Variants in GABRG1 observed in about 807,000 individuals in gnomAD.
GABRG1 encodes the protein gamma-aminobutyric acid receptor subunit gamma-1.
Under a neutral mutation model 49.8 loss-of-function variants are expected in GABRG1, and 49 were observed. The ratio of observed to expected loss-of-function variants is 0.98; its 90% CI spans 0.78 to 1.25. GABRG1 has a LOEUF of 1.25. Ranked by LOEUF, GABRG1 falls within the 50% of genes most tolerant of loss-of-function variation. The pLI is 0.00. For missense variants in GABRG1, 552 were observed against 552.3 expected (o/e 1.00, Z 0.01); for synonymous variants, 232 against 185.1 (o/e 1.25, Z -2.06).
chr4:46,063,299 T>G (rs1302536785), intron 5 of GABRG1, among the ~76,000 whole-genome samples: 3 of 151,896 alleles, frequency 2.0e-5, no homozygotes, highest in Non-Finnish European at 1.5e-5. Flanking sequence ...CAAAACAGCA[T>G]GGTACTGGTA....
intron 2 of GABRG1, among the ~76,000 whole-genome samples, chr4:46,093,634 G>C (rs975525676): frequency 6.6e-6 from 1 of 151,738 alleles, no homozygotes; most frequent in Non-Finnish European, 1.5e-5. Flanking sequence ...ATAAATACTC[G>C]AGGTGACTAC....
chr4:46,064,536 A>G lies in GABRG1; in HGVS notation c.543-13T>C, dbSNP rs1355404300. 2 of 1,294,184 alleles carry G rather than the reference A, an allele frequency of 1.5e-6. No homozygotes were observed. Among genetic ancestry groups the G allele is most frequent in the Non-Finnish European group, 1.1e-6 (1 of 942,668 alleles). 80.2% of individuals were successfully genotyped at this position (1,294,184 alleles called of 1,614,324 possible). On this transcript the variant is annotated splice_polypyrimidine_tract_variant and intron_variant, in intron 4 of 8. Coordinates refer to ENST00000295452, the MANE Select transcript of GABRG1 (RefSeq NM_173536.4). ...ATTAATTGTCAATCTATTTAGATGG[A>G]AAGAAAAGTATTAAATAAAGATAAA... is the stretch of plus-strand genomic sequence containing the variant.
intron 1 of GABRG1, among the ~76,000 whole-genome samples, chr4:46,105,791 T>TGCTAGATA (rs1553883517): frequency 6.9e-6 from 1 of 144,556 alleles, no homozygotes; most frequent in Non-Finnish European, 1.5e-5. Flanking sequence ...GGTAGATAGA[T>TGCTAGATA]GATAGATAGA....
chr4:46,051,821 T>C (rs1324640068), intron 7 of GABRG1, among the ~76,000 whole-genome samples, 183 bp from the exon 8 acceptor site: 1 of 151,912 alleles, frequency 6.6e-6, no homozygotes, highest in Admixed American at 6.6e-5. Flanking sequence ...TTTGTGTTTC[T>C]GTGAGTTCTA....
intron 3 of GABRG1, among the ~76,000 whole-genome samples, chr4:46,070,462 C>A (rs1018052202): frequency 6.6e-6 from 1 of 151,794 alleles, no homozygotes; most frequent in African/African-American, 2.4e-5. Context: ...TAAGAAGTTA[C>A]AATAAAATAG....
At chr4:46,056,479 C>A (rs1018809090) in intron 7 of GABRG1, among the ~76,000 whole-genome samples, 1 of 151,978 alleles carries the variant, frequency 6.6e-6, no homozygotes, top group Non-Finnish European at 1.5e-5. Flanking sequence ...TATTGAGACT[C>A]CACAATATAA....
chr4:46,042,231 C>T (rs1008691676), intron 8 of GABRG1, among the ~76,000 whole-genome samples: 4 of 151,852 alleles, frequency 2.6e-5, no homozygotes, highest in Admixed American at 6.6e-5. Flanking sequence ...CCTGATGAGG[C>T]CTATATCACA....
At chr4:46,058,062 T>C (rs1216573041) in intron 7 of GABRG1, among the ~76,000 whole-genome samples, 155 bp downstream of exon 7, 4 of 152,126 alleles carry the variant, frequency 2.6e-5, no homozygotes, top group African/African-American at 9.6e-5. Context: ...TTTACATATC[T>C]CTTTCAACAT....
rs765340305 is a variant in GABRG1 at position 46,041,195 on chromosome 4, C to A, written c.1191G>T (p.Pro397=). 5.0e-6 allele frequency: 8 copies of A among 1,612,770 alleles called. No individual in the cohort carries two copies. Among genetic ancestry groups the A allele is most frequent in the South Asian group, 1.1e-5 (1 of 91,068 alleles). ...ACTGATACCCATAATCATCTTCTTG[C>A]GGCACAGAAATATTATTCATTGGAA... is the stretch of plus-strand genomic sequence containing the variant. ...TLIPMNNISV[P]QEDDYGYQCL... Residue 397 remains proline, a synonymous_variant, in exon 9 of 9, where the codon CCG becomes CCT. Transcript: ENST00000295452.
chr4:46,061,820 T>TA lies in GABRG1; in HGVS notation c.625+2620_625+2621insT, dbSNP rs535206779. On this transcript the variant is annotated intron_variant, in intron 5 of 8. Coordinates refer to ENST00000295452, the MANE Select transcript of GABRG1 (RefSeq NM_173536.4). ...AGCATAAGTTACCACTTACATTTTT[T>TA]TTTTTTTGGTTTTGTTTTCTTTTGT... Among the ~76,000 whole-genome samples, 488 of 151,464 alleles carry TA rather than the reference T, an allele frequency of 3.2e-3. 3 individuals are homozygous for TA. The highest frequency in any genetic ancestry group is 0.011 in the African/African-American group (473 of 41,294).
At chr4:46,044,163 CAT>C (rs1717896972) in intron 8 of GABRG1, among the ~76,000 whole-genome samples, 1 of 151,814 alleles carries the variant, frequency 6.6e-6, no homozygotes, top group Non-Finnish European at 1.5e-5. Context: ...TAGATTATAC[CAT>C]CAACATTAAA....
rs145126108 is a variant in GABRG1, at chr4:46,082,000, C to T, written c.321+1986G>A. Among the ~76,000 whole-genome samples the T allele has an allele frequency of 1.8e-4, 27 of 151,934 alleles. 1 individual carries two copies. Among genetic ancestry groups the T allele is most frequent in the African/African-American group, 5.5e-4 (23 of 41,500 alleles). On this transcript the variant is annotated intron_variant, in intron 3 of 8. Transcript: ENST00000295452. ...TTGCTTAAACCACCAGTCTGTGCTA[C>T]TTCGTTGTGGCAACCCTAGTGAACA... is the stretch of plus-strand genomic sequence containing the variant.
At chr4:46,056,214 G>A (rs576408426) in intron 7 of GABRG1, among the ~76,000 whole-genome samples, 9 of 116,942 alleles carry the variant, frequency 7.7e-5, no homozygotes, top group African/African-American at 2.6e-4. Flanking sequence ...AAAATTTAAA[G>A]TCCTTAAAAT....
intron 1 of GABRG1, among the ~76,000 whole-genome samples, chr4:46,109,766 T>G (rs1720662947): frequency 6.6e-6 from 1 of 151,254 alleles, no homozygotes; most frequent in South Asian, 2.1e-4. Context: ...ACTTTCATTG[T>G]TTACCCAAAA....
At chr4:46,064,363 TTTTC>T (rs1422542756) in intron 5 of GABRG1, 74 bp downstream of exon 5, 6 of 763,790 alleles carry the variant, frequency 7.9e-6, no homozygotes, top group East Asian at 5.9e-5. Context: ...TCCTATTTTA[TTTTC>T]TTTCTTTTCA....
chr4:46,113,839 T>A lies in GABRG1; in HGVS notation c.104+9971A>T, dbSNP rs190849127. Among the ~76,000 whole-genome samples, 175 of 151,210 alleles carry A rather than the reference T, an allele frequency of 1.2e-3. 2 individuals carry two copies. The highest frequency in any genetic ancestry group is 7.7e-4 in the Non-Finnish European group (52 of 67,394). On this transcript the variant is annotated intron_variant, in intron 1 of 8. Coordinates refer to ENST00000295452, the MANE Select transcript of GABRG1 (RefSeq NM_173536.4). The stretch of plus-strand genomic sequence containing the variant: ...ATATATGTTGTCTCCACAGGCCCTA[T>A]CTGTGATCTGTTGTTCATGACAAGT...
At chr4:46,095,453 A>G (rs2109430258) in intron 2 of GABRG1, among the ~76,000 whole-genome samples, 1 of 151,972 alleles carries the variant, frequency 6.6e-6, no homozygotes, top group South Asian at 2.1e-4. Flanking sequence ...ACGGCTACCC[A>G]AATTGAACAG....
At chr4:46,042,626 C>T (rs1247606040) in intron 8 of GABRG1, among the ~76,000 whole-genome samples, 2 of 151,940 alleles carry the variant, frequency 1.3e-5, no homozygotes, top group Non-Finnish European at 1.5e-5. Flanking sequence ...AACATTTTTA[C>T]AAATGTATAC....
chr4:46,097,310 C>T lies in GABRG1; in HGVS notation c.144G>A (p.Thr48=), dbSNP rs374743417. ...KADDEDDEDL[T]VNKTWVLAPK... ...GGGCCAAGACCCAGGTTTTGTTCAC[C>T]GTTAAATCCTCATCATCTTCATCAT... is the stretch of plus-strand genomic sequence containing the variant. The change falls in exon 2 of 9, where the codon ACG becomes ACA. Residue 48 remains threonine (T), a synonymous_variant. Transcript: ENST00000295452. 1.9e-4 allele frequency: 305 copies of T among 1,609,246 alleles called. 2 individuals carry two copies. Among genetic ancestry groups the T allele is most frequent in the South Asian group, 1.8e-3 (161 of 90,728 alleles).
Sources: allele counts gnomAD v4.1 joint callset (sites outside exome capture counted in the v4.1 genomes callset), GRCh38; gene constraint gnomAD v4.1.1; transcripts MANE v1.5; gene names NCBI Gene and HGNC (gene_info 2026-07-23, HGNC 2026-07-21).